NRXN3: variants seen among roughly 807,000 people sequenced by gnomAD.
NRXN3 encodes neurexin III.
In NRXN3, 32 loss-of-function variants were observed where a neutral mutation model predicts 137.6. The ratio of observed to expected loss-of-function variants is 0.23; its 90% CI spans 0.18 to 0.31. NRXN3 has a LOEUF of 0.31. NRXN3 is among the 10% of genes least tolerant of loss of function. The pLI is 1.00. For synonymous variants in NRXN3, 798 were observed against 784.5 expected (o/e 1.02, Z -0.29); for missense variants, 1,574 against 2,062.5 (o/e 0.76, Z 4.59).
intron 4 of NRXN3, among the ~76,000 whole-genome samples, chr14:78,335,964 T>C (rs1237855687): frequency 6.6e-6 from 1 of 152,132 alleles, no homozygotes; most frequent in Admixed American, 6.5e-5. Context: ...CTTTCCATTT[T>C]AAAAAGGAAC....
intron 2 of NRXN3, among the ~76,000 whole-genome samples, chr14:78,276,834 C>T (rs556340848): frequency 6.6e-6 from 1 of 152,304 alleles, no homozygotes; most frequent in Admixed American, 6.5e-5. Flanking sequence ...CCACAGAACT[C>T]GGCCACATGT....
chr14:79,643,435 C>T (rs178350), intron 16 of NRXN3, among the ~76,000 whole-genome samples: 66,832 of 133,228 alleles, frequency 0.5, 25,001 homozygotes, highest in African/African-American at 0.81. Flanking sequence ...AATTCCTCTC[C>T]TCTGCTTCTT....
At chr14:78,576,592 C>T (rs1334462046) in intron 4 of NRXN3, among the ~76,000 whole-genome samples, 1 of 152,078 alleles carries the variant, frequency 6.6e-6, no homozygotes, top group African/African-American at 2.4e-5. Flanking sequence ...CTGGCCCTAG[C>T]CTATTCTCAT....
intron 1 of NRXN3, among the ~76,000 whole-genome samples, chr14:78,218,837 A>G (rs980690091): frequency 6.6e-6 from 1 of 152,200 alleles, no homozygotes; most frequent in Non-Finnish European, 1.5e-5. Flanking sequence ...GGGCTGCCAT[A>G]GCAAACTACT....
chr14:78,646,695 A>G (rs2097691339), intron 5 of NRXN3, among the ~76,000 whole-genome samples: 1 of 152,244 alleles, frequency 6.6e-6, no homozygotes, highest in African/African-American at 2.4e-5. Flanking sequence ...TAAAAATGCC[A>G]AATGACACAA....
At chr14:78,841,299 T>G (rs139021128) in intron 10 of NRXN3, among the ~76,000 whole-genome samples, 62 of 152,194 alleles carry the variant, frequency 4.1e-4, no homozygotes, top group African/African-American at 1.3e-3. Flanking sequence ...TGATGATTAT[T>G]ATTATTATTG....
intron 4 of NRXN3, among the ~76,000 whole-genome samples, chr14:78,355,862 C>T (rs1244084645): frequency 1.3e-5 from 2 of 152,150 alleles, no homozygotes; most frequent in South Asian, 2.1e-4. Context: ...ATCATATAAC[C>T]GTAATAGGAA....
intron 4 of NRXN3, among the ~76,000 whole-genome samples, chr14:78,472,690 T>C (rs1344793044): frequency 6.6e-6 from 1 of 152,152 alleles, no homozygotes; most frequent in East Asian, 1.9e-4. Flanking sequence ...TCCTTAAAAG[T>C]TCAGATGATA....
At chr14:78,851,825 T>C (rs1419210569) in intron 10 of NRXN3, among the ~76,000 whole-genome samples, 1 of 152,212 alleles carries the variant, frequency 6.6e-6, no homozygotes, top group Admixed American at 6.5e-5. Flanking sequence ...GTATTTTAAA[T>C]ATCCAACATT....
At chr14:79,453,712 A>G (rs2096213278) in intron 15 of NRXN3, among the ~76,000 whole-genome samples, 1 of 152,222 alleles carries the variant, frequency 6.6e-6, no homozygotes, top group Non-Finnish European at 1.5e-5. Flanking sequence ...ACACTTTCAC[A>G]TTCTAATCTG....
At chr14:79,499,295 T>G (rs775312516) in intron 16 of NRXN3, among the ~76,000 whole-genome samples, 62 of 152,270 alleles carry the variant, frequency 4.1e-4, no homozygotes, top group Non-Finnish European at 7.4e-4. Flanking sequence ...ACATGCCTGG[T>G]TTGTTCTAGC....
chr14:79,279,280 C>A, intron 15 of NRXN3: 2 of 914,384 alleles, frequency 2.2e-6, no homozygotes, highest in Non-Finnish European at 2.6e-6. Context: ...CGGAGCCAGC[C>A]AGTCCCTCGG....
intron 4 of NRXN3, among the ~76,000 whole-genome samples, chr14:78,551,332 C>G (rs1453618953): frequency 6.6e-6 from 1 of 152,068 alleles, no homozygotes; most frequent in African/African-American, 2.4e-5. Flanking sequence ...CTCTTTCTCT[C>G]TTGCCTTCTT....
chr14:79,494,642 T>G (rs949811335), intron 16 of NRXN3, among the ~76,000 whole-genome samples: 3 of 152,222 alleles, frequency 2.0e-5, no homozygotes, highest in Non-Finnish European at 2.9e-5. Flanking sequence ...GATATATATT[T>G]CATCCAGAAA....
At chr14:79,576,697 T>C (rs922079128) in intron 16 of NRXN3, among the ~76,000 whole-genome samples, 10 of 152,194 alleles carry the variant, frequency 6.6e-5, no homozygotes, top group Non-Finnish European at 1.0e-4. Flanking sequence ...TATCAGAGAC[T>C]CCCTCTTCTG....
intron 3 of NRXN3, among the ~76,000 whole-genome samples, chr14:78,281,144 C>A (rs2074351309): frequency 6.6e-6 from 1 of 152,136 alleles, no homozygotes. Flanking sequence ...TGGTTTGGAC[C>A]CTTCACTTGG....
intron 4 of NRXN3, among the ~76,000 whole-genome samples, chr14:78,518,541 C>T (rs1361360245): frequency 3.3e-5 from 5 of 152,116 alleles, no homozygotes; most frequent in Admixed American, 2.0e-4. Context: ...TCTCCATGAA[C>T]TGTCAAAACC....
chr14:79,560,400 A>C (rs2097480200), intron 16 of NRXN3, among the ~76,000 whole-genome samples: 4 of 150,766 alleles, frequency 2.7e-5, no homozygotes, highest in Admixed American at 2.6e-4. Context: ...ACCAGAGAGG[A>C]CCCCTAGGTA....
At chr14:78,748,308 T>C (rs772186931) in intron 8 of NRXN3, among the ~76,000 whole-genome samples, 13 of 151,862 alleles carry the variant, frequency 8.6e-5, no homozygotes, top group Non-Finnish European at 1.5e-4. Context: ...TAGAATAAGT[T>C]GAACATTCAT....
Sources: allele counts gnomAD v4.1 joint callset (sites outside exome capture counted in the v4.1 genomes callset), GRCh38; gene constraint gnomAD v4.1.1; transcripts MANE v1.5; gene names NCBI Gene and HGNC (gene_info 2026-07-23, HGNC 2026-07-21).